Variants in CERS3 observed in about 807,000 individuals in gnomAD.
The protein encoded by CERS3 is ceramide synthase 3.
A neutral mutation model predicts 50.3 loss-of-function variants in CERS3; 33 were observed. That is an observed-to-expected ratio of 0.66 (90% CI 0.50 to 0.88). The LOEUF is 0.88. Ranked by LOEUF, CERS3 falls within the 40% of genes least tolerant of loss-of-function variation. CERS3 has a pLI of 0.00. For missense variants in CERS3, 470 were observed against 460.3 expected, an observed-to-expected ratio of 1.02 and a Z score of -0.19; for synonymous variants, 176 against 155.2, an observed-to-expected ratio of 1.13 and a Z score of -0.99.
chr15:100,476,029 G>A, intron 8 of CERS3, 57 bp downstream of exon 8: 1 of 1,173,850 alleles, frequency 8.5e-7, no homozygotes, highest in Non-Finnish European at 1.2e-6. Flanking sequence ...ATTTGGGGCA[G>A]GGAGATGGCA....
intron 2 of CERS3, among the ~76,000 whole-genome samples, chr15:100,502,271 G>T (rs5004536): frequency 2.6e-5 from 3 of 115,626 alleles, no homozygotes; most frequent in Admixed American, 8.7e-5. Flanking sequence ...AAAAAAAAAA[G>T]AAAGAAAGAA....
At chr15:100,434,110 T>C (rs1966764) in intron 11 of CERS3, among the ~76,000 whole-genome samples, 127,269 of 152,260 alleles carry the variant, frequency 0.84, 53,601 homozygotes, top group Middle Eastern at 0.9. Flanking sequence ...TTCCATTCCT[T>C]TGAAAGACGT....
intron 11 of CERS3, among the ~76,000 whole-genome samples, chr15:100,416,425 G>A (rs1369132419): frequency 2.6e-5 from 4 of 152,216 alleles, no homozygotes; most frequent in Admixed American, 2.6e-4. Context: ...TAGCTGGCAA[G>A]CTACAGAATG....
chr15:100,455,866 G>A (rs1245154336), intron 11 of CERS3, 27 bp downstream of exon 11: 1 of 1,518,036 alleles, frequency 6.6e-7, no homozygotes, highest in South Asian at 1.3e-5. Flanking sequence ...ATGACATTAA[G>A]AGCAATAATA....
chr15:100,466,428 T>A (rs949023707), intron 10 of CERS3, among the ~76,000 whole-genome samples: 1 of 152,146 alleles, frequency 6.6e-6, no homozygotes, highest in Non-Finnish European at 1.5e-5. Flanking sequence ...TCGAAACTGC[T>A]CCCATCAAGA....
chr15:100,449,054 C>A (rs189447019), intron 11 of CERS3, among the ~76,000 whole-genome samples: 1 of 152,230 alleles, frequency 6.6e-6, no homozygotes, highest in Non-Finnish European at 1.5e-5. Context: ...CACATGCGTG[C>A]ACCACAGCAG....
At chr15:100,417,413 C>A (rs1169855700) in intron 11 of CERS3, among the ~76,000 whole-genome samples, 1 of 152,120 alleles carries the variant, frequency 6.6e-6, no homozygotes, top group African/African-American at 2.4e-5. Context: ...ATATCCCACA[C>A]CTGGCTCTGA....
At chr15:100,480,848 TG>T (rs1256912866) in intron 5 of CERS3, among the ~76,000 whole-genome samples, 8 of 152,214 alleles carry the variant, frequency 5.3e-5, no homozygotes, top group Middle Eastern at 3.4e-3. Flanking sequence ...AACCTATCTG[TG>T]GTAGGCGAGA....
intron 1 of CERS3, among the ~76,000 whole-genome samples, chr15:100,524,212 C>T (rs770476148): frequency 6.6e-6 from 1 of 152,100 alleles, no homozygotes; most frequent in Non-Finnish European, 1.5e-5. Context: ...AAATAGAAAA[C>T]AATACCTATA....
At chr15:100,522,749 A>G (rs547271952) in intron 1 of CERS3, among the ~76,000 whole-genome samples, 2 of 121,308 alleles carry the variant, frequency 1.6e-5, no homozygotes, top group African/African-American at 5.4e-5. Context: ...TGAGTTTGGG[A>G]TTACAACACT....
intron 11 of CERS3, among the ~76,000 whole-genome samples, chr15:100,415,778 C>T (rs1001638662): frequency 1.5e-5 from 2 of 136,984 alleles, no homozygotes; most frequent in Admixed American, 1.5e-4. Context: ...AAACACACAC[C>T]AGGGCCTGTC....
chr15:100,454,991 A>G (rs2034313519), intron 11 of CERS3, among the ~76,000 whole-genome samples: 1 of 152,244 alleles, frequency 6.6e-6, no homozygotes, highest in Admixed American at 6.5e-5. Flanking sequence ...AATGCTCAAC[A>G]TCACTAATCA....
At chr15:100,464,806 A>C (rs1276681132) in intron 10 of CERS3, among the ~76,000 whole-genome samples, 2 of 152,232 alleles carry the variant, frequency 1.3e-5, no homozygotes, top group African/African-American at 4.8e-5. Context: ...CAGGCAATTA[A>C]ATTAAAACAA....
At chr15:100,500,605 A>G (rs1195672763) in intron 3 of CERS3, 2 of 152,224 alleles carry the variant, frequency 1.3e-5, no homozygotes, top group Admixed American at 6.5e-5. Context: ...CTTCTACTTT[A>G]TTTATGCATT....
At chr15:100,518,952 A>G (rs1305600236) in intron 2 of CERS3, among the ~76,000 whole-genome samples, 1 of 152,182 alleles carries the variant, frequency 6.6e-6, no homozygotes, top group East Asian at 1.9e-4. Flanking sequence ...TCACCAGGTC[A>G]GGAGTACGAG....
intron 11 of CERS3, among the ~76,000 whole-genome samples, chr15:100,429,414 G>C (rs2587817): frequency 0.27 from 41,135 of 151,936 alleles, 5,777 homozygotes; most frequent in East Asian, 0.42. Context: ...GGTTTGAAAG[G>C]GACCTTTAAG....
chr15:100,446,514 G>A (rs1368039397), intron 11 of CERS3, among the ~76,000 whole-genome samples: 2 of 151,878 alleles, frequency 1.3e-5, no homozygotes, highest in Non-Finnish European at 2.9e-5. Context: ...TGATCTTTGA[G>A]GCACATTTAC....
At chr15:100,457,180 A>T (rs1037711061) in intron 10 of CERS3, among the ~76,000 whole-genome samples, 1 of 152,114 alleles carries the variant, frequency 6.6e-6, no homozygotes, top group Non-Finnish European at 1.5e-5. Context: ...TTCCTATACA[A>T]TTTTTTAATT....
intron 2 of CERS3, among the ~76,000 whole-genome samples, chr15:100,520,122 G>A (rs2036600216): frequency 6.6e-6 from 1 of 152,162 alleles, no homozygotes; most frequent in South Asian, 2.1e-4. Flanking sequence ...TTCTAGGTCT[G>A]TCCTCTTAAA....
Sources: allele counts gnomAD v4.1 joint callset (sites outside exome capture counted in the v4.1 genomes callset), GRCh38; gene constraint gnomAD v4.1.1; transcripts MANE v1.5; gene names NCBI Gene and HGNC (gene_info 2026-07-23, HGNC 2026-07-21).